OBI1: variants seen among roughly 807,000 people sequenced by gnomAD.
The protein encoded by OBI1 is ring finger protein 219.
In OBI1, 59 loss-of-function variants were observed where a neutral mutation model predicts 62.4. That is an observed-to-expected ratio of 0.95 (90% CI 0.77 to 1.17). OBI1 has a LOEUF of 1.17. OBI1 is among the 50% of genes most tolerant of loss of function. The pLI is 0.00. For synonymous variants in OBI1, 302 were observed against 292.8 expected (o/e 1.03, Z -0.32); for missense variants, 875 against 830.9 (o/e 1.05, Z -0.65).
At chr13:78,644,779 C>G in intron 2 of OBI1, 83 bp downstream of exon 2, 3 of 1,431,748 alleles carry the variant, frequency 2.1e-6, no homozygotes, top group Non-Finnish European at 2.9e-6. Context: ...CTGAAAATAG[C>G]CTATTTCAGT....
intron 5 of OBI1, among the ~76,000 whole-genome samples, chr13:78,626,722 AGG>A (rs1470545832): frequency 6.6e-6 from 1 of 152,198 alleles, no homozygotes; most frequent in Non-Finnish European, 1.5e-5. Context: ...GCTAGAGAAG[AGG>A]CAAGGATATT....
Position 78,614,525 on chromosome 13 carries a change from A to G in OBI1, c.*1055T>C, listed in dbSNP as rs1875178332. ...CACCCCCTCAACACTCTTCACAGAA[A>G]AGTTTTGTCCTACATAAAAGATATT... is the stretch of plus-strand genomic sequence containing the variant. On this transcript the variant is annotated 3_prime_UTR_variant, in exon 6 of 6. Coordinates refer to ENST00000282003, the MANE Select transcript of OBI1 (RefSeq NM_024546.4). 6.6e-6 allele frequency: 1 copy of G among 152,660 alleles called. No individual in the cohort carries two copies. Among genetic ancestry groups the G allele is most frequent in the Admixed American group, 6.5e-5 (1 of 15,294 alleles). 9.5% of individuals were successfully genotyped at this position (152,660 alleles called of 1,614,324 possible).
At chr13:78,634,898 T>G (rs986322698) in intron 5 of OBI1, among the ~76,000 whole-genome samples, 1 of 152,170 alleles carries the variant, frequency 6.6e-6, no homozygotes, top group African/African-American at 2.4e-5. Context: ...AAGAAAAAAG[T>G]ACAGGCATAA....
In OBI1 at chr13:78,615,628, G is replaced by C. The variant is rs971679565; in HGVS notation, c.2133C>G (p.Ile711Met). 6.2e-7 allele frequency: 1 copy of C among 1,613,434 alleles called. No homozygotes were observed. The highest frequency in any genetic ancestry group is 8.5e-7 in the Non-Finnish European group (1 of 1,179,804). ...GGCTGGCACTGGAAAGGCTGCTCTG[G>C]ATTTTTCTTTTTGTTGATTGATTCA... is the stretch of plus-strand genomic sequence containing the variant. The part of the protein sequence containing the change: ...KNVNQSTKRK[I>M]QSSLSSASPS... Residue 711 changes from isoleucine (I) to methionine (M), a missense_variant, in exon 6 of 6, where the codon ATC (isoleucine) becomes ATG (methionine). Physicochemically the swap from Ile to Met is conservative, Grantham distance 10. Coordinates refer to ENST00000282003, the MANE Select transcript of OBI1 (RefSeq NM_024546.4).
At chr13:78,627,139 G>A (rs1279924297) in intron 5 of OBI1, among the ~76,000 whole-genome samples, 2 of 151,872 alleles carry the variant, frequency 1.3e-5, no homozygotes, top group East Asian at 3.9e-4. Context: ...ATGAGAAGAT[G>A]GATTACAGAG....
chr13:78,633,314 G>A (rs1412347829), intron 5 of OBI1, among the ~76,000 whole-genome samples: 2 of 152,124 alleles, frequency 1.3e-5, no homozygotes, highest in Non-Finnish European at 1.5e-5. Context: ...CTATTTAAAC[G>A]TAAAAGCCAT....
Position 78,616,088 on chromosome 13 carries a change from C to G in OBI1, c.1673G>C (p.Gly558Ala). The G allele has an allele frequency of 6.2e-7, 1 of 1,614,134 alleles. No individual in the cohort carries two copies. The highest frequency in any genetic ancestry group is 8.5e-7 in the Non-Finnish European group (1 of 1,180,024). Residue 558 changes from glycine to alanine, a missense_variant, in exon 6 of 6, where the codon GGT becomes GCT. Transcript: ENST00000282003. ...CCCATCCAAATCCAGTGACTTAAAA[C>G]CGTTATTACAAGGGCTCTTGCTGTT... Reference protein sequence around the residue: ...SDNSKSPCNNGFKSLDLDGLS... With the variant: ...SDNSKSPCNNAFKSLDLDGLS...
chr13:78,615,577 G>T lies in OBI1; in HGVS notation c.*3C>A, dbSNP rs369442665. 3 of 1,580,860 alleles carry T rather than the reference G, an allele frequency of 1.9e-6. No homozygotes were observed. The highest frequency in any genetic ancestry group is 2.6e-6 in the Non-Finnish European group (3 of 1,165,806). On this transcript the variant is annotated 3_prime_UTR_variant, in exon 6 of 6. Transcript: ENST00000282003. ...AAACCACAAATGACACCTTTCTAAT[G>T]AGTCAACTTTTAGTTGCTTTTGATG...
intron 1 of OBI1, among the ~76,000 whole-genome samples, chr13:78,648,944 AT>A (rs1296804878): frequency 1.3e-5 from 2 of 151,874 alleles, no homozygotes; most frequent in Non-Finnish European, 2.9e-5. Context: ...AGTATTTTTC[AT>A]GTATTTGCTC....
At chr13:78,626,485 G>A (rs1875670357) in intron 5 of OBI1, among the ~76,000 whole-genome samples, 1 of 152,178 alleles carries the variant, frequency 6.6e-6, no homozygotes, top group Non-Finnish European at 1.5e-5. Flanking sequence ...GGTAGAAGAA[G>A]AGTAATCAAA....
intron 1 of OBI1, among the ~76,000 whole-genome samples, chr13:78,653,227 G>T (rs1318902120): frequency 1.3e-5 from 2 of 152,116 alleles, no homozygotes; most frequent in East Asian, 3.9e-4. Flanking sequence ...CTTGTTTTAG[G>T]CGGTTCCCTG....
At chr13:78,634,993 A>T in intron 5 of OBI1, 117 bp downstream of exon 5, 1 of 578,728 alleles carries the variant, frequency 1.7e-6, no homozygotes. Flanking sequence ...AAGGCAAGAC[A>T]TTCTACCTAA....
chr13:78,616,584 A>T lies in OBI1; in HGVS notation c.1177T>A (p.Leu393Met), dbSNP rs1229206814. The part of the protein sequence containing the change: ...LYDLPAPCTP[L>M]SLSCLQLSTP... Reference sequence around the variant, plus strand: ...CTGAGCTGAAGGCAACTAAGGGACAAAGGAGTACAAGGAGCTGGAAGATCA... The same window carrying T: ...CTGAGCTGAAGGCAACTAAGGGACATAGGAGTACAAGGAGCTGGAAGATCA... The change falls in exon 6 of 6, where the codon TTG becomes ATG. Residue 393 changes from leucine (L) to methionine (M), a missense_variant. Leu to Met is a conservative substitution (Grantham distance 15). Coordinates refer to ENST00000282003, the MANE Select transcript of OBI1 (RefSeq NM_024546.4). 6.2e-7 allele frequency: 1 copy of T among 1,614,144 alleles called. No individual in the cohort carries two copies. Among genetic ancestry groups the T allele is most frequent in the Non-Finnish European group, 8.5e-7 (1 of 1,180,020 alleles).
chr13:78,635,228 A>C lies in OBI1; in HGVS notation c.550-30T>G, dbSNP rs1190682654. 5 of 1,313,472 alleles carry C rather than the reference A, an allele frequency of 3.8e-6. No homozygotes were observed. The East Asian group carries it at 9.2e-5, about 24-fold the overall frequency. The allele number at this position is 1,313,472 out of a possible 1,614,324, so 81.4% of individuals were successfully genotyped here. On this transcript the variant is annotated intron_variant, in intron 4 of 5. Transcript: ENST00000282003. ...AATAACAAATTGAAAATAAGTAAGCAAAAGCTACAATAAAAGTGACTTGTA... is the reference window on the plus strand; with the variant it reads ...AATAACAAATTGAAAATAAGTAAGCCAAAGCTACAATAAAAGTGACTTGTA...
rs577036423 is a variant in OBI1, at chr13:78,615,834, T to C, written c.1927A>G (p.Ser643Gly). Residue 643 changes from serine to glycine, a missense_variant, in exon 6 of 6, where the codon AGC (serine) becomes GGC (glycine). Ser to Gly is a moderately conservative substitution (Grantham distance 56). Transcript: ENST00000282003. ...CPVTNEIKPP[S>G]CLFQTEFSQG... is the part of the protein sequence containing the mutation. ...GAAAACTCTGTCTGAAACAAGCAGC[T>C]TGGGGGTTTGATTTCATTAGTTACT... 26 of 1,614,056 alleles carry C rather than the reference T, an allele frequency of 1.6e-5. No individual in the cohort carries two copies. The South Asian group carries it at 2.5e-4, about 16-fold the overall frequency.
intron 1 of OBI1, among the ~76,000 whole-genome samples, chr13:78,645,833 A>G (rs1254492377): frequency 6.6e-6 from 1 of 152,144 alleles, no homozygotes; most frequent in African/African-American, 2.4e-5. Flanking sequence ...TATTTTTAGG[A>G]GAGACGGGGT....
intron 2 of OBI1, among the ~76,000 whole-genome samples, chr13:78,643,559 C>T (rs932080268): frequency 2.0e-5 from 3 of 152,146 alleles, no homozygotes; most frequent in East Asian, 1.9e-4. Flanking sequence ...GAGGCCAAGG[C>T]GGGCAGATCA....
rs1875237628 is a variant in OBI1, at chr13:78,615,562, T to C, written c.*18A>G. The C allele has an allele frequency of 6.5e-7, 1 of 1,539,686 alleles. No individual in the cohort carries two copies. The highest frequency in any genetic ancestry group is 8.8e-7 in the Non-Finnish European group (1 of 1,140,288). On this transcript the variant is annotated 3_prime_UTR_variant, in exon 6 of 6. Coordinates refer to ENST00000282003, the MANE Select transcript of OBI1 (RefSeq NM_024546.4). ...ATTTCTCTCAGGACAAAACCACAAA[T>C]GACACCTTTCTAATGAGTCAACTTT...
At chr13:78,657,408 T>C (rs889232840) in intron 1 of OBI1, among the ~76,000 whole-genome samples, 3 of 152,158 alleles carry the variant, frequency 2.0e-5, no homozygotes, top group Admixed American at 6.5e-5. Flanking sequence ...CTCAAAGTCT[T>C]AGTATTCTGA....
Sources: gnomAD v4.1 joint callset for allele counts (sites outside exome capture counted in the v4.1 genomes callset) on GRCh38, gnomAD v4.1.1 for gene constraint, MANE v1.5 for transcripts, NCBI Gene and HGNC (gene_info 2026-07-23, HGNC 2026-07-21) for gene names.